PTPRD: variants seen among roughly 807,000 people sequenced by gnomAD.
PTPRD encodes receptor-type tyrosine-protein phosphatase delta.
A neutral mutation model predicts 214.5 loss-of-function variants in PTPRD; 34 were observed. The observed-to-expected ratio is 0.16, with a 90% CI of 0.12 to 0.21. The LOEUF is 0.21. PTPRD is among the 10% of genes least tolerant of loss of function. The probability of loss-of-function intolerance (pLI) is 1.00; values close to 1 mark genes in which losing one functional copy is unlikely to be tolerated. For synonymous variants in PTPRD, 1,128 were observed against 845.7 expected, an observed-to-expected ratio of 1.33 and a Z score of -5.79; for missense variants, 2,545 against 2,398.7, an observed-to-expected ratio of 1.06 and a Z score of -1.27.
intron 10 of PTPRD, among the ~76,000 whole-genome samples, chr9:9,111,889 C>T (rs548522077): frequency 1.3e-5 from 2 of 151,874 alleles, no homozygotes; most frequent in Admixed American, 6.6e-5. Flanking sequence ...ACAAGAAAAC[C>T]TTTCCTCTGC....
intron 5 of PTPRD, among the ~76,000 whole-genome samples, chr9:9,782,793 C>G (rs1418699296): frequency 6.6e-6 from 1 of 152,116 alleles, no homozygotes; most frequent in Non-Finnish European, 1.5e-5. Context: ...AATTTGAAAT[C>G]AGCATGGTAT....
chr9:10,132,344 T>A (rs1409146327), intron 3 of PTPRD, among the ~76,000 whole-genome samples: 1 of 152,126 alleles, frequency 6.6e-6, no homozygotes, highest in Non-Finnish European at 1.5e-5. Flanking sequence ...TCAGACAGAA[T>A]GTAATTTAAA....
intron 5 of PTPRD, among the ~76,000 whole-genome samples, chr9:9,889,183 G>T (rs1291210670): frequency 6.6e-6 from 1 of 151,892 alleles, no homozygotes; most frequent in African/African-American, 2.4e-5. Flanking sequence ...GACAGGAGGA[G>T]AATTATTTAT....
chr9:9,173,057 T>A (rs888340355), intron 10 of PTPRD, among the ~76,000 whole-genome samples: 2 of 152,080 alleles, frequency 1.3e-5, no homozygotes, highest in African/African-American at 4.8e-5. Flanking sequence ...TCCTCCTGAC[T>A]CTCCTCAGAC....
intron 20 of PTPRD, among the ~76,000 whole-genome samples, chr9:8,519,296 T>G (rs1448790777): frequency 6.6e-6 from 1 of 152,218 alleles, no homozygotes; most frequent in Non-Finnish European, 1.5e-5. Flanking sequence ...TCCATCTTTT[T>G]AGAGGTCTAA....
intron 11 of PTPRD, among the ~76,000 whole-genome samples, chr9:8,824,176 A>T (rs760121846): frequency 2.2e-4 from 34 of 152,024 alleles, no homozygotes; most frequent in Non-Finnish European, 4.0e-4. Flanking sequence ...TTATCCTGTG[A>T]CTTAGAATGC....
chr9:8,804,434 C>T lies in PTPRD; in HGVS notation c.-103-70488G>A, dbSNP rs1190537267. ...GCAACATAAGAAGACTCCGTCTCTA[C>T]AAAAAAAAATAAAACTAGCCAGGCA... On this transcript the variant is annotated intron_variant, in intron 11 of 45. Transcript: ENST00000381196. 2.7e-5 allele frequency among the ~76,000 whole-genome samples: 4 copies of T among 149,868 alleles called. No individual in the cohort carries two copies. In the East Asian group the frequency reaches 7.9e-4, roughly 30 times the overall value.
At position 10,299,176 on chromosome 9, in the gene PTPRD, T is replaced by G. The variant is rs981212352; in HGVS notation, c.-545+41787A>C. 5.3e-5 allele frequency among the ~76,000 whole-genome samples: 8 copies of G among 152,202 alleles called. 1 individual carries two copies. Among genetic ancestry groups the G allele is most frequent in the African/African-American group, 1.9e-4 (8 of 41,456 alleles). ...TTAATATTCACATTTTAAAATCTAT[T>G]TTTACATAGTAATTTCACACTCAAT... is the stretch of plus-strand genomic sequence containing the variant. On this transcript the variant is annotated intron_variant, in intron 3 of 45. Coordinates refer to ENST00000381196, the MANE Select transcript of PTPRD (RefSeq NM_002839.4).
intron 9 of PTPRD, among the ~76,000 whole-genome samples, chr9:9,264,272 G>A (rs1195157399): frequency 1.3e-5 from 2 of 151,674 alleles, no homozygotes; most frequent in East Asian, 2.0e-4. Flanking sequence ...AGCTTGCTGA[G>A]TTATAACAGA....
chr9:10,411,928 AT>A (rs2098439761), intron 2 of PTPRD, among the ~76,000 whole-genome samples: 1 of 151,878 alleles, frequency 6.6e-6, no homozygotes, highest in East Asian at 2.0e-4. Flanking sequence ...TTAAGAATGC[AT>A]ATGGATGAAA....
chr9:10,348,552 T>C (rs974402533), intron 2 of PTPRD, among the ~76,000 whole-genome samples: 2 of 152,164 alleles, frequency 1.3e-5, no homozygotes, highest in African/African-American at 2.4e-5. Flanking sequence ...CTTGGTCAGA[T>C]AAAGCATAAA....
chr9:10,576,882 G>C (rs1384184357), intron 2 of PTPRD, among the ~76,000 whole-genome samples: 2 of 152,076 alleles, frequency 1.3e-5, no homozygotes, highest in Non-Finnish European at 2.9e-5. Context: ...AATGGAAAAT[G>C]TCTTAATTGC....
chr9:8,657,743 T>C (rs1211724741), intron 12 of PTPRD, among the ~76,000 whole-genome samples: 3 of 152,188 alleles, frequency 2.0e-5, no homozygotes, highest in South Asian at 4.2e-4. Context: ...AAGGAAAGCA[T>C]ACATTTTACT....
At chr9:9,860,716 T>C (rs1220007127) in intron 5 of PTPRD, among the ~76,000 whole-genome samples, 1 of 152,196 alleles carries the variant, frequency 6.6e-6, no homozygotes, top group African/African-American at 2.4e-5. Context: ...AATATATACA[T>C]GAAGCTTTCC....
intron 5 of PTPRD, among the ~76,000 whole-genome samples, chr9:9,773,725 TTTATGCTGCTGAAGCAAGAC>T (rs1396701978): frequency 8.9e-4 from 135 of 152,176 alleles, no homozygotes; most frequent in African/African-American, 3.0e-3. Context: ...TGAATGCCAA[TTTATGCTGCTGAAGCAAGAC>T]TGATACCAGG....
chr9:10,076,257 A>G (rs556008963), intron 3 of PTPRD, among the ~76,000 whole-genome samples: 1 of 152,136 alleles, frequency 6.6e-6, no homozygotes, highest in East Asian at 1.9e-4. Context: ...ACATGCTGCA[A>G]GCTATCTTCT....
chr9:8,974,615 A>G (rs1463631609), intron 11 of PTPRD, among the ~76,000 whole-genome samples: 4 of 151,924 alleles, frequency 2.6e-5, no homozygotes, highest in African/African-American at 9.7e-5. Context: ...CCTTCACTGG[A>G]TTATCTGAAT....
chr9:8,717,545 T>C (rs1054169351), intron 12 of PTPRD, among the ~76,000 whole-genome samples: 31 of 152,184 alleles, frequency 2.0e-4, no homozygotes, highest in African/African-American at 3.6e-4. Context: ...CAGTGACCTA[T>C]TGAAAATTCA....
intron 2 of PTPRD, among the ~76,000 whole-genome samples, chr9:10,481,487 A>G (rs1002766441): frequency 2.0e-5 from 3 of 152,202 alleles, no homozygotes; most frequent in Admixed American, 6.5e-5. Context: ...GTAATGTAAC[A>G]TGAATCCTGA....
Sources: gnomAD v4.1 joint callset for allele counts (sites outside exome capture counted in the v4.1 genomes callset) on GRCh38, gnomAD v4.1.1 for gene constraint, MANE v1.5 for transcripts, NCBI Gene and HGNC (gene_info 2026-07-23, HGNC 2026-07-21) for gene names.